Variants in MAX observed in about 807,000 individuals in gnomAD.
The protein encoded by MAX is protein max.
In MAX, 3 loss-of-function variants were observed where a neutral mutation model predicts 22.3. That is an observed-to-expected ratio of 0.13 (90% confidence interval 0.06 to 0.35). The LOEUF is 0.35. MAX is among the 10% of genes least tolerant of loss of function. MAX has a pLI of 1.00. For missense variants in MAX, 119 were observed against 209.4 expected, an observed-to-expected ratio of 0.57 and a Z score of 2.66; for synonymous variants, 72 against 77.7, an observed-to-expected ratio of 0.93 and a Z score of 0.39.
At chr14:65,039,931 G>A (rs72728261) in intron 3 of MAX, among the ~76,000 whole-genome samples, 13,568 of 152,266 alleles carry the variant, frequency 0.089, 844 homozygotes, top group Admixed American at 0.16. Context: ...GCCCATGCCT[G>A]TCATCCCAAC....
At chr14:65,060,139 T>A (rs188985782) in intron 3 of MAX, among the ~76,000 whole-genome samples, 23 of 152,080 alleles carry the variant, frequency 1.5e-4, no homozygotes, top group Admixed American at 1.3e-3. Context: ...GGCCCCCTTT[T>A]TCTTGATTAT....
At chr14:65,041,285 C>T (rs944675427) in intron 3 of MAX, among the ~76,000 whole-genome samples, 5 of 152,196 alleles carry the variant, frequency 3.3e-5, no homozygotes, top group African/African-American at 9.7e-5. Flanking sequence ...CGAAACCAAA[C>T]TTTTATTACC....
At position 65,081,453 on chromosome 14, in the gene MAX, G is replaced by T. The variant is rs1378709391; in HGVS notation, c.172-3417C>A. Among the ~76,000 whole-genome samples, 3 of 152,126 alleles carry T rather than the reference G, an allele frequency of 2.0e-5. No individual in the cohort carries two copies. In the East Asian group the frequency reaches 5.8e-4, roughly 29 times the overall value. Reference sequence around the variant, plus strand: ...GTGGCCAAACACAGGATGAAGGTGGGGGCAGGGCCTTCCTTGTCTTTATGA... The same window carrying T: ...GTGGCCAAACACAGGATGAAGGTGGTGGCAGGGCCTTCCTTGTCTTTATGA... On this transcript the variant is annotated intron_variant, in intron 3 of 4. Coordinates refer to ENST00000358664, the MANE Select transcript of MAX (RefSeq NM_002382.5).
intron 3 of MAX, among the ~76,000 whole-genome samples, chr14:65,091,693 G>A (rs1488608930): frequency 3.9e-5 from 6 of 152,164 alleles, no homozygotes; most frequent in Non-Finnish European, 7.3e-5. Flanking sequence ...TTTGTTCAAA[G>A]CTTTGCTAAA....
rs2062963576 is a variant in MAX at position 65,069,354 on chromosome 14, G to A, written c.171+24354C>T. 6.6e-6 allele frequency among the ~76,000 whole-genome samples: 1 copy of A among 152,160 alleles called. No homozygotes were observed. Among genetic ancestry groups the A allele is most frequent in the South Asian group, 2.1e-4 (1 of 4,826 alleles). On this transcript the variant is annotated intron_variant, in intron 3 of 3. Coordinates refer to the MAX transcript ENST00000341653. This position sits in a 1 kb window ranked among gnomAD's most constrained non-coding sequence, Gnocchi z 4.6. ...CAAGAGCTTGAGAAGCGATGACCTG[G>A]TGGCCCTGCCCCTCCCATAGTGCCA...
intron 3 of MAX, among the ~76,000 whole-genome samples, chr14:65,057,130 C>A (rs2139686489): frequency 6.6e-6 from 1 of 152,322 alleles, no homozygotes; most frequent in East Asian, 1.9e-4. Flanking sequence ...AGGGATCCAC[C>A]CCTCAAACCC....
rs772661746 is a variant in MAX at position 65,076,629 on chromosome 14, T to C, written c.330A>G (p.Gln110=). Residue 110 remains glutamine, a synonymous_variant, in exon 5 of 5, where the codon CAA becomes CAG. Transcript: ENST00000358664. This position sits in a 1 kb window ranked among gnomAD's most constrained non-coding sequence, Gnocchi z 6.6. ...RALEKARSSA[Q]LQTNYPSSDN... is the part of the protein sequence containing the mutation. ...CTGAGGAGGGGTAGTTGGTCTGCAG[T>C]TGGGCACTTGACCTCGCCTTCTCCA... The C allele has an allele frequency of 2.5e-6, 4 of 1,614,134 alleles. No individual in the cohort carries two copies. Among genetic ancestry groups the C allele is most frequent in the Non-Finnish European group, 3.4e-6 (4 of 1,180,022 alleles).
chr14:65,012,171 CAG>C lies in MAX; in HGVS notation c.172-5889_172-5888del, dbSNP rs1251318747. ...CTCTGGTTTAGTTGCTCTTTGGAAC[CAG>C]AGAAGTTGCTGGTTATCCAGTCAGT... On this transcript the variant is annotated intron_variant, in intron 3 of 3. Transcript: ENST00000341653. This position sits in a 1 kb window ranked among gnomAD's most constrained non-coding sequence, Gnocchi z 5.0. 16 of 899,266 alleles carry C rather than the reference CAG, an allele frequency of 1.8e-5. No individual in the cohort carries two copies. Among genetic ancestry groups the C allele is most frequent in the Non-Finnish European group, 2.7e-5 (16 of 587,194 alleles). The allele number at this position is 899,266 out of a possible 1,614,324, so 55.7% of individuals were successfully genotyped here.
chr14:65,009,857 G>A lies in MAX; in HGVS notation c.172-3573C>T, dbSNP rs117586909. ...ATCTCTTCCCGTGGCTGATCACAGCGTTTATTGGACAGGGCTCTGCTTGTC... is the reference window on the plus strand; with the variant it reads ...ATCTCTTCCCGTGGCTGATCACAGCATTTATTGGACAGGGCTCTGCTTGTC... On this transcript the variant is annotated intron_variant, in intron 3 of 3. Transcript: ENST00000341653. The surrounding 1 kb of genome is among the most constrained non-coding windows in gnomAD (Gnocchi z 4.2). Among the ~76,000 whole-genome samples, 172 of 152,152 alleles carry A rather than the reference G, an allele frequency of 1.1e-3. 2 individuals are homozygous for A. Among genetic ancestry groups the A allele is most frequent in the East Asian group, 1.9e-3 (10 of 5,178 alleles).
rs2063046346 is a variant in MAX, at chr14:65,075,944, T to C, written c.*532A>G. On this transcript the variant is annotated 3_prime_UTR_variant, in exon 5 of 5. Transcript: ENST00000358664. The surrounding 1 kb of genome is among the most constrained non-coding windows in gnomAD (Gnocchi z 4.1). ...CTGGTCTTTCAATAGGAGCGATACA[T>C]AGCTTTTTAGAAAAAGGAAAAAAAA... The C allele has an allele frequency of 1.9e-6, 2 of 1,073,814 alleles. No homozygotes were observed. Among genetic ancestry groups the C allele is most frequent in the Non-Finnish European group, 2.3e-6 (2 of 884,090 alleles). The allele number at this position is 1,073,814 out of a possible 1,614,324, so 66.5% of individuals were successfully genotyped here. A position where few individuals can be genotyped will look rare whatever the true frequency, so the allele number is the denominator to read the frequency against.
chr14:65,089,749 A>C (rs2063444316), intron 3 of MAX, among the ~76,000 whole-genome samples: 1 of 117,662 alleles, frequency 8.5e-6, no homozygotes, highest in Admixed American at 9.5e-5. Flanking sequence ...TAAAAGTAGC[A>C]TCTCTGTAAA....
chr14:65,032,583 A>C lies in MAX; in HGVS notation c.172-26299T>G. On this transcript the variant is annotated intron_variant, in intron 3 of 3. Coordinates refer to the MAX transcript ENST00000341653. The surrounding 1 kb of genome is among the most constrained non-coding windows in gnomAD (Gnocchi z 5.0). ...CTCATTAGCTCTTCCGTAGAGCTTAATGTGTTTCCCGTTTCTGTCTTTCCA... is the reference window on the plus strand; with the variant it reads ...CTCATTAGCTCTTCCGTAGAGCTTACTGTGTTTCCCGTTTCTGTCTTTCCA... The C allele has an allele frequency of 3.1e-6, 5 of 1,611,248 alleles. No homozygotes were observed. Among genetic ancestry groups the C allele is most frequent in the Non-Finnish European group, 4.2e-6 (5 of 1,179,380 alleles).
intron 3 of MAX, among the ~76,000 whole-genome samples, chr14:65,041,881 A>G (rs1311977256): frequency 2.0e-5 from 3 of 152,212 alleles, no homozygotes; most frequent in African/African-American, 7.2e-5. Flanking sequence ...AGGCAGAGAT[A>G]AGGAATGTGA....
rs1478491125 is a variant in MAX at position 65,088,373 on chromosome 14, G to A, written c.171+5335C>T. 6.6e-6 allele frequency among the ~76,000 whole-genome samples: 1 copy of A among 152,190 alleles called. No individual in the cohort carries two copies. The highest frequency in any genetic ancestry group is 1.5e-5 in the Non-Finnish European group (1 of 68,020). ...GAAATTAAATGCATTTACAATTGCT[G>A]AGCCTGGAGCCTAAGGGAGACTTGG... is the stretch of plus-strand genomic sequence containing the variant. On this transcript the variant is annotated intron_variant, in intron 3 of 4. Coordinates refer to ENST00000358664, the MANE Select transcript of MAX (RefSeq NM_002382.5). This position sits in a 1 kb window ranked among gnomAD's most constrained non-coding sequence, Gnocchi z 5.2.
chr14:65,057,266 T>A (rs2062756497), intron 3 of MAX, among the ~76,000 whole-genome samples: 2 of 152,162 alleles, frequency 1.3e-5, no homozygotes, highest in Non-Finnish European at 2.9e-5. Context: ...GTTTTTTTGT[T>A]AAATAGAAGA....
chr14:65,101,936 G>A (rs762194060), intron 1 of MAX, among the ~76,000 whole-genome samples: 5 of 152,088 alleles, frequency 3.3e-5, no homozygotes, highest in Admixed American at 6.5e-5. Context: ...AGTCCGAAGG[G>A]GCAGGTCCTG....
rs749971218 is a variant in MAX, at chr14:65,077,588, C to A, written c.295+325G>T. 1.0e-6 allele frequency: 1 copy of A among 986,456 alleles called. No individual in the cohort carries two copies. Among genetic ancestry groups the A allele is most frequent in the South Asian group, 1.3e-5 (1 of 74,200 alleles). The allele number at this position is 986,456 out of a possible 1,614,324, so 61.1% of individuals were successfully genotyped here. A position where few individuals can be genotyped will look rare whatever the true frequency, so the allele number is the denominator to read the frequency against. ...ACAGCACATTCCACTCCAAGGACCT[C>A]AAAGCTCTTTTCAGACACCTGATGC... On this transcript the variant is annotated intron_variant, in intron 4 of 4. Coordinates refer to ENST00000358664, the MANE Select transcript of MAX (RefSeq NM_002382.5). This position sits in a 1 kb window ranked among gnomAD's most constrained non-coding sequence, Gnocchi z 6.3.
Position 65,012,331 on chromosome 14 carries a change from G to A in MAX, c.172-6047C>T, listed in dbSNP as rs2061696455. Reference sequence around the variant, plus strand: ...TGTCTTTCCAGGCTTGTTTTGCAGAGGGAGAAGCACTTCCATTATCTGAAA... The same window carrying A: ...TGTCTTTCCAGGCTTGTTTTGCAGAAGGAGAAGCACTTCCATTATCTGAAA... On this transcript the variant is annotated intron_variant, in intron 3 of 3. Coordinates refer to the MAX transcript ENST00000341653. The surrounding 1 kb of genome is among the most constrained non-coding windows in gnomAD (Gnocchi z 5.0). 6.2e-7 allele frequency: 1 copy of A among 1,614,000 alleles called. No individual in the cohort carries two copies. Among genetic ancestry groups the A allele is most frequent in the African/African-American group, 1.3e-5 (1 of 74,910 alleles).
At chr14:65,053,468 T>A in intron 3 of MAX, 1 of 860,418 alleles carries the variant, frequency 1.2e-6, no homozygotes. Flanking sequence ...AGCACCTGCA[T>A]AGCGCTAGGT....
Sources: gnomAD v4.1 joint callset for allele counts (sites outside exome capture counted in the v4.1 genomes callset) on GRCh38, gnomAD v4.1.1 for gene constraint, Gnocchi (gnomAD v3.1) non-coding constraint, MANE v1.5 for transcripts, NCBI Gene and HGNC (gene_info 2026-07-23, HGNC 2026-07-21) for gene names.